Variants in NRG2 observed in about 807,000 individuals in gnomAD.
NRG2 encodes the protein neuregulin 2.
NRG2 carries 27 observed loss-of-function variants against 73.9 expected under a neutral mutation model. The ratio of observed to expected loss-of-function variants is 0.37; its 90% CI spans 0.27 to 0.50. The LOEUF is 0.50. NRG2 is among the 20% of genes least tolerant of loss of function. The pLI, the probability that NRG2 is intolerant of heterozygous loss-of-function variation, is 0.96. For synonymous variants in NRG2, 532 were observed against 541.0 expected, an observed-to-expected ratio of 0.98 and a Z score of 0.23; for missense variants, 1,126 against 1,210.1, an observed-to-expected ratio of 0.93 and a Z score of 1.03.
intron 1 of NRG2, among the ~76,000 whole-genome samples, chr5:139,899,012 C>G (rs77125989): frequency 6.6e-6 from 1 of 152,220 alleles, no homozygotes; most frequent in African/African-American, 2.4e-5. Context: ...TAGAGTTAGT[C>G]TCTTCTATCT....
intron 1 of NRG2, among the ~76,000 whole-genome samples, chr5:140,023,373 C>A (rs557838765): frequency 6.6e-6 from 1 of 152,158 alleles, no homozygotes; most frequent in African/African-American, 2.4e-5. Context: ...TATCCCCTAT[C>A]TGCCTAAATC....
intron 1 of NRG2, among the ~76,000 whole-genome samples, chr5:139,996,490 T>C (rs770761884): frequency 1.3e-5 from 2 of 152,190 alleles, no homozygotes; most frequent in African/African-American, 4.8e-5. Flanking sequence ...GTTGTCATTG[T>C]TGAATGTGCA....
At chr5:139,956,144 C>T (rs1389496974) in intron 1 of NRG2, among the ~76,000 whole-genome samples, 2 of 152,056 alleles carry the variant, frequency 1.3e-5, no homozygotes, top group Non-Finnish European at 2.9e-5. Flanking sequence ...CAGCAACTCC[C>T]CCACCCCATT....
chr5:139,854,546 C>T (rs534467473), intron 6 of NRG2, among the ~76,000 whole-genome samples: 6 of 152,314 alleles, frequency 3.9e-5, no homozygotes, highest in African/African-American at 4.8e-5. Context: ...TTAGTTTTCC[C>T]TCTTGGGCCC....
chr5:139,899,305 G>A (rs909504545), intron 1 of NRG2, among the ~76,000 whole-genome samples: 3 of 152,188 alleles, frequency 2.0e-5, no homozygotes, highest in African/African-American at 7.2e-5. Context: ...TACATTACTG[G>A]CCCCCATCCC....
At position 139,855,693 on chromosome 5, in the gene NRG2, C is replaced by T; in HGVS notation, c.1275G>A (p.Val425=). 2 of 1,614,050 alleles carry T rather than the reference C, an allele frequency of 1.2e-6. No homozygotes were observed. The highest frequency in any genetic ancestry group is 1.7e-6 in the Non-Finnish European group (2 of 1,179,966). ...ACACTCACTTGGTCTTGCAGTAGGCCACCACACAGACGATGCCCACGACCA... is the reference window on the plus strand; with the variant it reads ...ACACTCACTTGGTCTTGCAGTAGGCTACCACACAGACGATGCCCACGACCA... ...ALLVVGIVCV[V]AYCKTKKQRK... is the part of the protein sequence containing the mutation. The change falls in exon 6 of 10, where the codon GTG becomes GTA. Residue 425 remains valine (V), a synonymous_variant. Transcript: ENST00000361474.
rs112096082 is a variant in NRG2 at position 139,918,093 on chromosome 5, C to T, written c.701-30582G>A. 1.6e-3 allele frequency among the ~76,000 whole-genome samples: 240 copies of T among 152,248 alleles called. 1 individual carries two copies. The highest frequency in any genetic ancestry group is 5.5e-3 in the African/African-American group (227 of 41,526). ...ATACGGTATGAGGTATTCTTTTGCG[C>T]GTGGATATTCCATTGTCCCAGCACA... On this transcript the variant is annotated intron_variant, in intron 1 of 9. Transcript: ENST00000361474.
intron 1 of NRG2, among the ~76,000 whole-genome samples, chr5:139,974,974 C>A (rs565131352): frequency 1.3e-5 from 2 of 152,250 alleles, no homozygotes; most frequent in African/African-American, 2.4e-5. Flanking sequence ...GTAGGCCATG[C>A]GCCCCCTGTG....
At chr5:140,031,177 C>G (rs1761116003) in intron 1 of NRG2, among the ~76,000 whole-genome samples, 1 of 152,138 alleles carries the variant, frequency 6.6e-6, no homozygotes, top group Non-Finnish European at 1.5e-5. Flanking sequence ...TGATTCTTGA[C>G]AATGGGGGCT....
intron 1 of NRG2, among the ~76,000 whole-genome samples, chr5:140,020,776 A>G (rs1393116015): frequency 1.3e-5 from 2 of 152,240 alleles, no homozygotes; most frequent in East Asian, 3.8e-4. Context: ...AAGTTTGCAT[A>G]CGTAGCCCAC....
At chr5:139,973,877 T>A (rs1353968491) in intron 1 of NRG2, among the ~76,000 whole-genome samples, 1 of 152,002 alleles carries the variant, frequency 6.6e-6, no homozygotes, top group Non-Finnish European at 1.5e-5. Flanking sequence ...AAAGAGTAGG[T>A]ATAGTATGAT....
intron 1 of NRG2, among the ~76,000 whole-genome samples, chr5:139,924,114 C>T (rs746282896): frequency 3.9e-5 from 6 of 152,268 alleles, no homozygotes; most frequent in Admixed American, 6.5e-5. Context: ...AAGGCCTGGT[C>T]CCATGTTCAG....
intron 1 of NRG2, among the ~76,000 whole-genome samples, chr5:140,006,963 C>T (rs574319573): frequency 2.6e-5 from 4 of 152,316 alleles, no homozygotes; most frequent in Admixed American, 1.3e-4. Context: ...GTTCATCACA[C>T]AAGCTGCCTA....
At chr5:139,933,603 T>C (rs949884843) in intron 1 of NRG2, among the ~76,000 whole-genome samples, 1 of 151,968 alleles carries the variant, frequency 6.6e-6, no homozygotes, top group African/African-American at 2.4e-5. Context: ...AAGCAAAAAG[T>C]GACAGAACTA....
chr5:139,982,991 C>T (rs1756926295), intron 1 of NRG2, among the ~76,000 whole-genome samples: 1 of 152,218 alleles, frequency 6.6e-6, no homozygotes, highest in South Asian at 2.1e-4. Context: ...CCAGGCCAGG[C>T]CCTGATGTCT....
Position 139,954,113 on chromosome 5 carries a change from C to A in NRG2, c.701-66602G>T, listed in dbSNP as rs1471606667. Among the ~76,000 whole-genome samples, 1 of 152,148 alleles carries A rather than the reference C, an allele frequency of 6.6e-6. No homozygotes were observed. The highest frequency in any genetic ancestry group is 2.4e-5 in the African/African-American group (1 of 41,434). On this transcript the variant is annotated intron_variant, in intron 1 of 9. Coordinates refer to ENST00000361474, the MANE Select transcript of NRG2 (RefSeq NM_004883.3). This position sits in a 1 kb window ranked among gnomAD's most constrained non-coding sequence, Gnocchi z 5.0. ...CCAGGGAGGGGTGGGGGACACAGAG[C>A]AAGCATGAGGCCAGGCTGGCGGTTC...
intron 2 of NRG2, among the ~76,000 whole-genome samples, chr5:139,883,442 T>C (rs2127114426): frequency 6.6e-6 from 1 of 151,982 alleles, no homozygotes; most frequent in East Asian, 1.9e-4. Flanking sequence ...AGTTTGCTCC[T>C]GGCACAGGAA....
intron 1 of NRG2, among the ~76,000 whole-genome samples, chr5:139,909,747 G>A (rs983164056): frequency 6.6e-6 from 1 of 152,240 alleles, no homozygotes; most frequent in Non-Finnish European, 1.5e-5. Context: ...GAAGGATTAT[G>A]CAAAGCCTGG....
At chr5:140,041,409 A>C (rs1761907330) in intron 1 of NRG2, among the ~76,000 whole-genome samples, 1 of 152,228 alleles carries the variant, frequency 6.6e-6, no homozygotes, top group South Asian at 2.1e-4. Flanking sequence ...GACAAGAAGA[A>C]AAAGCTCTTA....
Sources: gnomAD v4.1 joint callset for allele counts (sites outside exome capture counted in the v4.1 genomes callset) on GRCh38, gnomAD v4.1.1 for gene constraint, Gnocchi (gnomAD v3.1) non-coding constraint, MANE v1.5 for transcripts, NCBI Gene and HGNC (gene_info 2026-07-23, HGNC 2026-07-21) for gene names.